ERI1: variants seen among roughly 807,000 people sequenced by gnomAD.
ERI1 encodes the protein exoribonuclease 1, also known as 3'-5' exoribonuclease 1.
In ERI1, 39 loss-of-function variants were observed where a neutral mutation model predicts 39.7. The ratio of observed to expected loss-of-function variants is 0.98; its 90% CI spans 0.76 to 1.28. The LOEUF is 1.28. ERI1 is among the 50% of genes most tolerant of loss of function. ERI1 has a pLI of 0.00. For missense variants in ERI1, 581 were observed against 416.9 expected, an observed-to-expected ratio of 1.39 and a Z score of -3.43; for synonymous variants, 204 against 149.6, an observed-to-expected ratio of 1.36 and a Z score of -2.65.
intron 3 of ERI1, among the ~76,000 whole-genome samples, chr8:9,073,762 A>G (rs765965947): frequency 3.3e-5 from 5 of 152,172 alleles, no homozygotes; most frequent in Non-Finnish European, 5.9e-5. Flanking sequence ...TATTTCAATT[A>G]ATCTTTCTCT....
chr8:9,012,640 A>G (rs1585195276), intron 3 of ERI1, among the ~76,000 whole-genome samples: 1 of 152,204 alleles, frequency 6.6e-6, no homozygotes, highest in Non-Finnish European at 1.5e-5. Context: ...AATCTTGCAT[A>G]AGTCACTAGA....
At chr8:9,040,679 TTA>T (rs757444393) in intron 3 of ERI1, among the ~76,000 whole-genome samples, 9 of 151,998 alleles carry the variant, frequency 5.9e-5, no homozygotes, top group Non-Finnish European at 4.4e-5. Context: ...AAAATTTCTG[TTA>T]TTTTTGTATG....
intron 4 of ERI1, 62 bp downstream of exon 4, chr8:9,016,467 T>G (rs1041098106): frequency 5.9e-6 from 6 of 1,011,636 alleles, no homozygotes; most frequent in Non-Finnish European, 8.7e-6. Flanking sequence ...GGGATTTATT[T>G]TATACATAAT....
chr8:9,026,256 A>G (rs1196835276), intron 6 of ERI1, among the ~76,000 whole-genome samples: 1 of 152,178 alleles, frequency 6.6e-6, no homozygotes, highest in Admixed American at 6.5e-5. Flanking sequence ...TTGTTCACTT[A>G]AAAATGCTCT....
chr8:9,011,520 C>G (rs1287436926), intron 2 of ERI1, 22 bp from the exon 3 acceptor site: 3 of 1,509,500 alleles, frequency 2.0e-6, no homozygotes, highest in South Asian at 1.2e-5. Context: ...CTAAGTGTAA[C>G]TAGTCTTCTT....
downstream of ERI1, among the ~76,000 whole-genome samples, chr8:9,035,548 C>G (rs1053863685): frequency 1.3e-5 from 2 of 151,930 alleles, no homozygotes; most frequent in African/African-American, 4.8e-5. Context: ...GCTGTTGAGA[C>G]TTAGTGCTCA....
chr8:9,086,701 C>T (rs918154764), intron 3 of ERI1, among the ~76,000 whole-genome samples: 1 of 152,144 alleles, frequency 6.6e-6, no homozygotes, highest in Non-Finnish European at 1.5e-5. Flanking sequence ...TGAAAAGCAG[C>T]CTAAATGTCC....
chr8:9,034,420 C>A (rs933944789), downstream of ERI1, among the ~76,000 whole-genome samples: 8 of 152,158 alleles, frequency 5.3e-5, no homozygotes, highest in African/African-American at 1.7e-4. Context: ...CTATTTATGT[C>A]ATTTTCCCAA....
chr8:9,024,577 T>C (rs536632374), intron 6 of ERI1, among the ~76,000 whole-genome samples: 1 of 152,142 alleles, frequency 6.6e-6, no homozygotes, highest in South Asian at 2.1e-4. Flanking sequence ...CCTCCCACCA[T>C]GCCTGGACTA....
intron 3 of ERI1, among the ~76,000 whole-genome samples, chr8:9,047,098 A>T (rs995662759): frequency 1.3e-5 from 2 of 152,194 alleles, no homozygotes; most frequent in Non-Finnish European, 2.9e-5. Context: ...TCTTTCCCAG[A>T]AGGAGCACTC....
At chr8:9,079,110 T>C (rs59972961) in intron 3 of ERI1, among the ~76,000 whole-genome samples, 8,600 of 152,038 alleles carry the variant, frequency 0.057, 760 homozygotes, top group African/African-American at 0.19. Context: ...GAAAAACTCA[T>C]AGGGAGGGGA....
rs1815537418 is a variant in ERI1, at chr8:9,003,059, C to G, written c.-5C>G. The stretch of plus-strand genomic sequence containing the variant: ...CAGCAACTCTCCTCTGGCGTGACAG[C>G]CGGCATGGAGGATCCACAGAGTAAA... On this transcript the variant is annotated 5_prime_UTR_variant, in exon 1 of 7. Coordinates refer to ENST00000250263, the MANE Select transcript of ERI1 (RefSeq NM_153332.4). 4.0e-6 allele frequency: 5 copies of G among 1,246,110 alleles called. No individual in the cohort carries two copies. Among genetic ancestry groups the G allele is most frequent in the Non-Finnish European group, 5.1e-6 (5 of 986,982 alleles). 77.2% of individuals were successfully genotyped at this position (1,246,110 alleles called of 1,614,324 possible). A position where few individuals can be genotyped will look rare whatever the true frequency, so the allele number is the denominator to read the frequency against.
intron 3 of ERI1, among the ~76,000 whole-genome samples, chr8:9,086,086 C>G (rs573225580): frequency 1.3e-5 from 2 of 152,234 alleles, no homozygotes; most frequent in African/African-American, 4.8e-5. Flanking sequence ...ATTTGTTTGT[C>G]TAGACTGCGG....
intron 3 of ERI1, among the ~76,000 whole-genome samples, chr8:9,054,004 G>A (rs1037561387): frequency 1.3e-5 from 2 of 152,120 alleles, no homozygotes; most frequent in Non-Finnish European, 2.9e-5. Flanking sequence ...ACAACACCCT[G>A]TGGCATTCAA....
intron 3 of ERI1, among the ~76,000 whole-genome samples, chr8:9,061,813 G>A (rs1431483815): frequency 2.0e-5 from 3 of 149,832 alleles, no homozygotes; most frequent in Admixed American, 2.0e-4. Flanking sequence ...AAGTTTTGCA[G>A]CAGTATAGCC....
chr8:9,081,681 TTTG>T (rs1270146290), intron 3 of ERI1, among the ~76,000 whole-genome samples: 1 of 104,422 alleles, frequency 9.6e-6, no homozygotes, highest in East Asian at 1.9e-4. Flanking sequence ...TTCTTCTTCT[TTTG>T]TTTTTGTTTT....
chr8:9,023,716 A>G (rs1818168321), intron 6 of ERI1, among the ~76,000 whole-genome samples: 1 of 150,888 alleles, frequency 6.6e-6, no homozygotes. Flanking sequence ...CTCTGTCACA[A>G]GTTTCTGCTG....
intron 1 of ERI1, among the ~76,000 whole-genome samples, chr8:9,003,736 A>G (rs1815633793): frequency 6.6e-6 from 1 of 152,252 alleles, no homozygotes; most frequent in Non-Finnish European, 1.5e-5. Context: ...TTACAGTGGC[A>G]AAGTTGTAGA....
rs538984241 is a variant in ERI1 at position 9,033,243 on chromosome 8, T to G, written c.*3209T>G. ...TTTTTGTATGGCCTACAAACTATGG[T>G]TTTTATATTCCCTTTTGTTAATGGC... is the stretch of plus-strand genomic sequence containing the variant. On this transcript the variant is annotated 3_prime_UTR_variant, in exon 7 of 7. Coordinates refer to ENST00000250263, the MANE Select transcript of ERI1 (RefSeq NM_153332.4). 3 of 152,284 alleles carry G rather than the reference T, an allele frequency of 2.0e-5. No homozygotes were observed. Among genetic ancestry groups the G allele is most frequent in the African/African-American group, 7.2e-5 (3 of 41,554 alleles). The allele number at this position is 152,284 out of a possible 1,614,324, so 9.4% of individuals were successfully genotyped here.
Sources: gnomAD v4.1 joint callset for allele counts (sites outside exome capture counted in the v4.1 genomes callset) on GRCh38, gnomAD v4.1.1 for gene constraint, MANE v1.5 for transcripts, NCBI Gene and HGNC (gene_info 2026-07-23, HGNC 2026-07-21) for gene names.